PCDH1: variants seen among roughly 807,000 people sequenced by gnomAD.
PCDH1 encodes the protein protocadherin 1.
PCDH1 carries 23 observed loss-of-function variants against 74.6 expected under a neutral mutation model. The ratio of observed to expected loss-of-function variants is 0.31; its 90% CI spans 0.22 to 0.44. The LOEUF (loss-of-function observed/expected upper bound fraction) is 0.44, where lower values mean the gene tolerates loss of function less well. PCDH1 is among the 20% of genes least tolerant of loss of function. The pLI, the probability that PCDH1 is intolerant of heterozygous loss-of-function variation, is 1.00. For synonymous variants in PCDH1, 647 were observed against 686.1 expected (o/e 0.94, Z 0.89); for missense variants, 1,214 against 1,641.4 (o/e 0.74, Z 4.50).
In PCDH1 at chr5:141,864,567, G is replaced by T. The variant is rs1383642190; in HGVS notation, c.1764C>A (p.Gly588=). ...TGGCTGTGCCCTGGAGGCTAGGACTGCCCCGGTCAGCTGCCACCACCTTCA... is the reference window on the plus strand; with the variant it reads ...TGGCTGTGCCCTGGAGGCTAGGACTTCCCCGGTCAGCTGCCACCACCTTCA... ...YELKVVAADR[G]SPSLQGTATV... The change falls in exon 3 of 5, where the codon GGC becomes GGA. Residue 588 remains glycine, a synonymous_variant. Transcript: ENST00000287008. The surrounding 1 kb of genome is among the most constrained non-coding windows in gnomAD (Gnocchi z 5.9). The T allele has an allele frequency of 1.9e-6, 3 of 1,613,766 alleles. No individual in the cohort carries two copies. The highest frequency in any genetic ancestry group is 2.5e-6 in the Non-Finnish European group (3 of 1,180,032).
At chr5:141,867,249 CCT>C (rs1377478548) in intron 2 of PCDH1, among the ~76,000 whole-genome samples, 7 of 152,000 alleles carry the variant, frequency 4.6e-5, no homozygotes, top group Non-Finnish European at 1.0e-4. Flanking sequence ...TTTCTTCCAT[CCT>C]CTCTTTTCAG....
rs765403385 is a variant in PCDH1, at chr5:141,863,273, A to G, written c.3058T>C (p.Tyr1020His). The change falls in exon 3 of 5, where the codon TAC becomes CAC. Residue 1020 changes from tyrosine to histidine, a missense_variant. Physicochemically the swap from Tyr to His is moderately conservative, Grantham distance 83. Transcript: ENST00000287008. This position sits in a 1 kb window ranked among gnomAD's most constrained non-coding sequence, Gnocchi z 7.5. The stretch of plus-strand genomic sequence containing the variant: ...TTGGGGGGGTTGGTGCGGTAGCTGT[A>G]GTCGGAGTACTGCTCAGAGCCCGTG... Reference protein sequence around the residue: ...TSTGSEQYSDYSYRTNPPKYP... With the variant: ...TSTGSEQYSDHSYRTNPPKYP... 6.3e-7 allele frequency: 1 copy of G among 1,591,834 alleles called. No individual in the cohort carries two copies. The highest frequency in any genetic ancestry group is 8.6e-7 in the Non-Finnish European group (1 of 1,169,106).
rs201187483 is a variant in PCDH1 at position 141,869,278 on chromosome 5, G to A, written c.194C>T (p.Pro65Leu). ...GHATRVVYKVPEEQPPNTLIG... is the reference protein window; with the variant it reads ...GHATRVVYKVLEEQPPNTLIG... ...GAGGGTGTTGGGTGGCTGTTCCTCC[G>A]GCACCTTGTACACTACCCGAGTGGC... Residue 65 changes from proline to leucine, a missense_variant, in exon 2 of 5, where the codon CCG becomes CTG. By Grantham distance (98) the Pro-to-Leu change is moderately conservative (BLOSUM62 -3). Transcript: ENST00000287008. This position sits in a 1 kb window ranked among gnomAD's most constrained non-coding sequence, Gnocchi z 4.9. 43 of 1,609,086 alleles carry A rather than the reference G, an allele frequency of 2.7e-5. No individual in the cohort carries two copies. The highest frequency in any genetic ancestry group is 3.1e-5 in the Non-Finnish European group (37 of 1,177,946).
At chr5:141,875,135 C>T (rs1044110031) in intron 1 of PCDH1, among the ~76,000 whole-genome samples, 2 of 152,156 alleles carry the variant, frequency 1.3e-5, no homozygotes, top group African/African-American at 4.8e-5. Context: ...TAAATGAGAT[C>T]TCATGCCTAT....
intron 2 of PCDH1, among the ~76,000 whole-genome samples, chr5:141,866,979 A>C (rs1271199561): frequency 6.6e-6 from 1 of 152,138 alleles, no homozygotes; most frequent in East Asian, 1.9e-4. Flanking sequence ...CCTACAGTGA[A>C]GACTCCTGGG....
Position 141,863,086 on chromosome 5 carries a change from C to T in PCDH1, c.3099+146G>A. 7.2e-6 allele frequency: 10 copies of T among 1,389,512 alleles called. No homozygotes were observed. Among genetic ancestry groups the T allele is most frequent in the Non-Finnish European group, 9.4e-6 (10 of 1,067,280 alleles). The allele number at this position is 1,389,512 out of a possible 1,614,324, so 86.1% of individuals were successfully genotyped here. ...GTGTGCCCGGTGAGGCACTAAGGCC[C>T]CACCTCCCACTGCTGGCTCAGGCTG... On this transcript the variant is annotated intron_variant, in intron 3 of 4. Coordinates refer to ENST00000287008, the MANE Select transcript of PCDH1 (RefSeq NM_032420.5). This position sits in a 1 kb window ranked among gnomAD's most constrained non-coding sequence, Gnocchi z 7.5.
At chr5:141,856,288 C>T (rs1235029851) in intron 4 of PCDH1, 30 of 1,349,926 alleles carry the variant, frequency 2.2e-5, no homozygotes, top group East Asian at 3.3e-5. Flanking sequence ...AAGGATGAGA[C>T]GGGCATGAGA....
Position 141,864,625 on chromosome 5 carries a change from G to T in PCDH1, c.1706C>A (p.Ser569Tyr). 1.2e-6 allele frequency: 2 copies of T among 1,613,642 alleles called. No homozygotes were observed. Among genetic ancestry groups the T allele is most frequent in the Non-Finnish European group, 1.7e-6 (2 of 1,180,030 alleles). ...PETGEIQVKT[S>Y]LDREQRESYE... ...GCTCTCCCGCTGTTCCCGATCCAGAGATGTCTTCACCTGGATCTCTCCAGT... is the reference window on the plus strand; with the variant it reads ...GCTCTCCCGCTGTTCCCGATCCAGATATGTCTTCACCTGGATCTCTCCAGT... Residue 569 changes from serine to tyrosine, a missense_variant, in exon 3 of 5, where the codon TCT (serine) becomes TAT (tyrosine). This residue lies in a region of PCDH1 where 836 missense variants were observed against 1,182.2 expected (regional missense o/e 0.71). Transcript: ENST00000287008. The surrounding 1 kb of genome is among the most constrained non-coding windows in gnomAD (Gnocchi z 5.9).
At chr5:141,875,026 C>G (rs1440712371) in intron 1 of PCDH1, among the ~76,000 whole-genome samples, 1 of 152,150 alleles carries the variant, frequency 6.6e-6, no homozygotes, top group Admixed American at 6.5e-5. Flanking sequence ...CACTTCCTAG[C>G]TGTGTGACAT....
rs1753041043 is a variant in PCDH1 at position 141,869,739 on chromosome 5, C to A, written c.41-308G>T. On this transcript the variant is annotated intron_variant, in intron 1 of 4. Transcript: ENST00000287008. The surrounding 1 kb of genome is among the most constrained non-coding windows in gnomAD (Gnocchi z 4.9). Reference sequence around the variant, plus strand: ...CCCTGGGCCCAAGCCCGGCTGCCCGCCCTCTTTCCTTCTTTTCCTCCTTGC... The same window carrying A: ...CCCTGGGCCCAAGCCCGGCTGCCCGACCTCTTTCCTTCTTTTCCTCCTTGC... 2 of 1,448,270 alleles carry A rather than the reference C, an allele frequency of 1.4e-6. No homozygotes were observed. Among genetic ancestry groups the A allele is most frequent in the Non-Finnish European group, 1.8e-6 (2 of 1,098,760 alleles). The allele number at this position is 1,448,270 out of a possible 1,614,324, so 89.7% of individuals were successfully genotyped here. A position where few individuals can be genotyped will look rare whatever the true frequency, so the allele number is the denominator to read the frequency against.
intron 1 of PCDH1, among the ~76,000 whole-genome samples, chr5:141,876,824 G>A (rs1753250767): frequency 6.6e-6 from 1 of 152,226 alleles, no homozygotes; most frequent in Admixed American, 6.5e-5. Context: ...AGACCCAGGT[G>A]GCTCAGAAAA....
intron 1 of PCDH1, among the ~76,000 whole-genome samples, chr5:141,874,444 T>C: frequency 6.6e-6 from 1 of 152,122 alleles, no homozygotes; most frequent in East Asian, 1.9e-4. Flanking sequence ...CCCAGTGACA[T>C]GGGCACCCAG....
intron 2 of PCDH1, among the ~76,000 whole-genome samples, chr5:141,866,748 A>G (rs1346028506): frequency 6.6e-6 from 1 of 152,188 alleles, no homozygotes; most frequent in Non-Finnish European, 1.5e-5. Context: ...CAAATGGGAT[A>G]ATACAGGTAA....
chr5:141,854,263 C>T lies in PCDH1; in HGVS notation c.3493G>A (p.Glu1165Lys). 12 of 1,613,046 alleles carry T rather than the reference C, an allele frequency of 7.4e-6. No individual in the cohort carries two copies. Among genetic ancestry groups the T allele is most frequent in the African/African-American group, 1.3e-5 (1 of 75,030 alleles). ...FVPYQDRGGQ[E>K]PAGAGSPSPP... ...CTGGGGCTGCCGGCGCCCGCAGGCT[C>T]CTGCCCTCCTCGGTCCTGGTAAGGC... Residue 1165 changes from glutamate to lysine, a missense_variant, in exon 5 of 5, where the codon GAG becomes AAG. Physicochemically the swap from Glu to Lys is moderately conservative, Grantham distance 56. Around this residue, in one of 4 missense-constraint regions of PCDH1, gnomAD observed 194 missense variants for 198.3 expected, o/e 0.98. Transcript: ENST00000287008.
Position 141,863,431 on chromosome 5 carries a change from C to A in PCDH1, c.2900G>T (p.Arg967Leu), listed in dbSNP as rs1224059852. Reference protein sequence around the residue: ...NYPPGSPDLGRHYRSNSPLPS... With the variant: ...NYPPGSPDLGLHYRSNSPLPS... ...CAGTGGGGAGTTAGAGCGATAGTGG[C>A]GGCCCAGGTCAGGGCTGCCTGGTGG... is the stretch of plus-strand genomic sequence containing the variant. Residue 967 changes from arginine to leucine, a missense_variant, in exon 3 of 5, where the codon CGC becomes CTC. By Grantham distance (102) the Arg-to-Leu change is moderately radical (BLOSUM62 -2). This residue lies in a region of PCDH1 where 836 missense variants were observed against 1,182.2 expected (regional missense o/e 0.71). Coordinates refer to ENST00000287008, the MANE Select transcript of PCDH1 (RefSeq NM_032420.5). The surrounding 1 kb of genome is among the most constrained non-coding windows in gnomAD (Gnocchi z 7.5). 5 of 1,560,452 alleles carry A rather than the reference C, an allele frequency of 3.2e-6. No homozygotes were observed. Among genetic ancestry groups the A allele is most frequent in the Non-Finnish European group, 4.3e-6 (5 of 1,152,660 alleles).
At chr5:141,874,126 C>T (rs76528157) in intron 1 of PCDH1, among the ~76,000 whole-genome samples, 1 of 152,130 alleles carries the variant, frequency 6.6e-6, no homozygotes, top group Non-Finnish European at 1.5e-5. Flanking sequence ...AACCTTGCCC[C>T]GTAAGGAGGG....
intron 2 of PCDH1, chr5:141,866,251 ATCCGG>A (rs1752829674): frequency 3.0e-6 from 3 of 985,446 alleles, no homozygotes; most frequent in Non-Finnish European, 2.4e-6. Context: ...AATGCGAGGA[ATCCGG>A]CCTGAGCCTG....
chr5:141,856,160 T>C lies in PCDH1; in HGVS notation c.3319+1092A>G, dbSNP rs1160988021. 2.1e-6 allele frequency: 3 copies of C among 1,441,616 alleles called. No homozygotes were observed. In the African/African-American group the frequency reaches 4.2e-5, roughly 20 times the overall value. 89.3% of individuals were successfully genotyped at this position (1,441,616 alleles called of 1,614,324 possible). On this transcript the variant is annotated intron_variant, in intron 4 of 4. Coordinates refer to ENST00000287008, the MANE Select transcript of PCDH1 (RefSeq NM_032420.5). Reference sequence around the variant, plus strand: ...CTCAGAGCAGAGCATGGGCACTGGGTGGGTGAGGCTGGGTGCTGGGCAGAG... The same window carrying C: ...CTCAGAGCAGAGCATGGGCACTGGGCGGGTGAGGCTGGGTGCTGGGCAGAG...
chr5:141,856,570 C>T (rs911680001), intron 4 of PCDH1, among the ~76,000 whole-genome samples: 2 of 152,144 alleles, frequency 1.3e-5, no homozygotes, highest in African/African-American at 4.8e-5. Flanking sequence ...CATGCACACG[C>T]ACTGCACACA....
Sources: allele counts gnomAD v4.1 joint callset (sites outside exome capture counted in the v4.1 genomes callset), GRCh38; gene constraint gnomAD v4.1.1; regional missense constraint gnomAD v4.1.1; non-coding constraint Gnocchi (gnomAD v3.1); transcripts MANE v1.5; gene names NCBI Gene and HGNC (gene_info 2026-07-23, HGNC 2026-07-21).